OPA1: variants seen among roughly 807,000 people sequenced by gnomAD.
The protein encoded by OPA1 is dynamin-like GTPase OPA1, mitochondrial.
In OPA1, 59 loss-of-function variants were observed where a neutral mutation model predicts 152.9. The ratio of observed to expected loss-of-function variants is 0.39; its 90% CI spans 0.31 to 0.48. The LOEUF is 0.48. Ranked by LOEUF, OPA1 falls within the 20% of genes least tolerant of loss-of-function variation. The pLI is 0.96. For missense variants in OPA1, 1,008 were observed against 1,216.8 expected (o/e 0.83, Z 2.55); for synonymous variants, 400 against 389.9 (o/e 1.03, Z -0.31).
intron 27 of OPA1, among the ~76,000 whole-genome samples, chr3:193,665,231 T>TA (rs1393936802): frequency 1.3e-5 from 2 of 150,740 alleles, no homozygotes; most frequent in African/African-American, 4.9e-5. Flanking sequence ...ATATAAATAG[T>TA]AAAAAAAAGT....
At chr3:193,606,768 T>C (rs1249658185) in intron 1 of OPA1, among the ~76,000 whole-genome samples, 3 of 152,218 alleles carry the variant, frequency 2.0e-5, no homozygotes, top group African/African-American at 7.2e-5. Context: ...TTATAATCCT[T>C]TGGGTATATA....
intron 26 of OPA1, 55 bp downstream of exon 26, chr3:193,663,017 A>C (rs1455143337): frequency 1.3e-6 from 2 of 1,572,292 alleles, no homozygotes; most frequent in African/African-American, 2.7e-5. Context: ...TGTTTCTTGC[A>C]GTAAATGTTA....
At chr3:193,685,472 A>T (rs1021318313) in intron 29 of OPA1, among the ~76,000 whole-genome samples, 1 of 152,172 alleles carries the variant, frequency 6.6e-6, no homozygotes, top group Non-Finnish European at 1.5e-5. Flanking sequence ...TTTAATGATT[A>T]AGTATTGTTT....
intron 29 of OPA1, among the ~76,000 whole-genome samples, chr3:193,686,217 T>A (rs78852672): frequency 0.034 from 5,248 of 152,254 alleles, 340 homozygotes; most frequent in African/African-American, 0.12. Context: ...ATGGGTTTCT[T>A]GTCCAAATGA....
chr3:193,651,427 G>A (rs948742428), intron 21 of OPA1, among the ~76,000 whole-genome samples: 11 of 152,162 alleles, frequency 7.2e-5, no homozygotes, highest in African/African-American at 2.4e-4. Flanking sequence ...TGATTGTGTA[G>A]ATAATGAAGA....
intron 29 of OPA1, among the ~76,000 whole-genome samples, chr3:193,679,273 A>G (rs976845251): frequency 3.3e-5 from 5 of 151,726 alleles, no homozygotes; most frequent in East Asian, 1.9e-4. Context: ...AATAACGGGG[A>G]AAAAAAAGGT....
chr3:193,621,926 A>G (rs1041905256), intron 6 of OPA1, among the ~76,000 whole-genome samples: 1 of 152,188 alleles, frequency 6.6e-6, no homozygotes. Context: ...TGACAAGACC[A>G]CTTAGTTCAT....
chr3:193,602,399 G>C (rs1389934564), intron 1 of OPA1, among the ~76,000 whole-genome samples: 4 of 152,188 alleles, frequency 2.6e-5, no homozygotes, highest in African/African-American at 9.7e-5. Context: ...TGGAGGGTTT[G>C]ATTGTCCTCA....
chr3:193,667,901 C>T (rs1716998851), intron 29 of OPA1, among the ~76,000 whole-genome samples: 1 of 152,072 alleles, frequency 6.6e-6, no homozygotes, highest in African/African-American at 2.4e-5. Flanking sequence ...CAAGATGTTC[C>T]AGGCTCAATA....
intron 7 of OPA1, among the ~76,000 whole-genome samples, chr3:193,627,774 A>G (rs768150104): frequency 1.3e-5 from 2 of 152,202 alleles, no homozygotes; most frequent in African/African-American, 2.4e-5. Flanking sequence ...CTACTTTAGT[A>G]GCCTTTATTT....
chr3:193,675,342 A>C lies in OPA1; in HGVS notation c.2983+8062A>C, dbSNP rs1206511300. 1.3e-4 allele frequency among the ~76,000 whole-genome samples: 19 copies of C among 150,594 alleles called. 1 individual carries two copies. Among genetic ancestry groups the C allele is most frequent in the African/African-American group, 3.6e-4 (15 of 41,122 alleles). ...TTTTTTTTAAGAAAAAAAAAAAAAA[A>C]AAAAAAAACACCCAATCAAGAAGAA... On this transcript the variant is annotated intron_variant, in intron 29 of 30. Transcript: ENST00000361510.
chr3:193,659,597 T>G, intron 25 of OPA1, 36 bp downstream of exon 25: 1 of 1,550,948 alleles, frequency 6.4e-7, no homozygotes, highest in Non-Finnish European at 8.9e-7. Context: ...TATGATGATA[T>G]AATTTTGTTC....
intron 18 of OPA1, chr3:193,646,425 T>A (rs1450343405): frequency 6.6e-6 from 1 of 152,490 alleles, no homozygotes; most frequent in East Asian, 1.9e-4. Context: ...TATTAAAATT[T>A]AAATTAGTTG....
chr3:193,655,459 C>T (rs1713567697), intron 22 of OPA1, among the ~76,000 whole-genome samples: 1 of 152,094 alleles, frequency 6.6e-6, no homozygotes. Flanking sequence ...AGGATCCTGA[C>T]AGAAGATTAA....
At chr3:193,691,929 A>T (rs376043503) in intron 29 of OPA1, 134 bp from the exon 30 acceptor site, 204 of 608,508 alleles carry the variant, frequency 3.4e-4, no homozygotes, top group African/African-American at 3.2e-3. Context: ...TTTGGGTAAA[A>T]GGTGGTATGG....
At chr3:193,598,682 G>A (rs1310600862) in intron 1 of OPA1, among the ~76,000 whole-genome samples, 1 of 152,142 alleles carries the variant, frequency 6.6e-6, no homozygotes, top group Non-Finnish European at 1.5e-5. Flanking sequence ...AGATAAGGAG[G>A]ATGTGAATAG....
In OPA1 at chr3:193,643,530, T is replaced by C. The variant is rs749660244; in HGVS notation, c.1380T>C (p.Thr460=). 9 of 1,613,440 alleles carry C rather than the reference T, an allele frequency of 5.6e-6. No individual in the cohort carries two copies. Among genetic ancestry groups the C allele is most frequent in the Admixed American group, 1.7e-5 (1 of 60,000 alleles). The change falls in exon 15 of 31, where the codon ACT becomes ACC. Residue 460 remains threonine, a splice_region_variant and synonymous_variant. Coordinates refer to ENST00000361510, the MANE Select transcript of OPA1 (RefSeq NM_130837.3). The part of the protein sequence containing the change: ...VLVDLPGVIN[T]VTSGMAPDTK... ...CATTTAAAACCTTTTTCTTTAAGAC[T>C]GTGACATCAGGCATGGCTCCTGACA... is the stretch of plus-strand genomic sequence containing the variant.
intron 13 of OPA1, 98 bp downstream of exon 13, chr3:193,643,147 T>A: frequency 9.8e-7 from 1 of 1,017,248 alleles, no homozygotes; most frequent in Non-Finnish European, 1.5e-6. Context: ...AGATTGCTGC[T>A]ATCTAGATAT....
At chr3:193,645,876 A>C in intron 18 of OPA1, 76 bp downstream of exon 18, 5 of 1,141,014 alleles carry the variant, frequency 4.4e-6, no homozygotes, top group Non-Finnish European at 6.5e-6. Flanking sequence ...CACTTAAAAC[A>C]TCAGGTTTTA....
Sources: allele counts gnomAD v4.1 joint callset (sites outside exome capture counted in the v4.1 genomes callset), GRCh38; gene constraint gnomAD v4.1.1; transcripts MANE v1.5; gene names NCBI Gene and HGNC (gene_info 2026-07-23, HGNC 2026-07-21).